CSTPP1: variants seen among roughly 807,000 people sequenced by gnomAD.
CSTPP1 encodes the protein centriolar satellite-associated tubulin polyglutamylase complex regulator 1.
chr11:47,139,003 A>C, the CSTPP1 span, among the ~76,000 whole-genome samples: 1 of 150,398 alleles, frequency 6.6e-6, no homozygotes, highest in Non-Finnish European at 1.5e-5. Flanking sequence ...AAAAAAAAAA[A>C]AAAAAAAAAC....
chr11:47,036,249 T>A, the CSTPP1 span, among the ~76,000 whole-genome samples: 9 of 49,352 alleles, frequency 1.8e-4, 3 homozygotes, highest in Non-Finnish European at 1.7e-4. Flanking sequence ...TATTTATATA[T>A]TATATATTAT....
At chr11:46,994,219 G>A in the CSTPP1 span, among the ~76,000 whole-genome samples, 1 of 152,188 alleles carries the variant, frequency 6.6e-6, no homozygotes, top group Non-Finnish European at 1.5e-5. Context: ...CATGTCATCT[G>A]CAAAGAGGGA....
chr11:46,947,039 C>A, the CSTPP1 span, among the ~76,000 whole-genome samples: 3 of 152,218 alleles, frequency 2.0e-5, no homozygotes, highest in Admixed American at 2.0e-4. Flanking sequence ...ATGATTAAAT[C>A]TGCTCTGGAT....
the CSTPP1 span, among the ~76,000 whole-genome samples, chr11:46,959,952 C>T: frequency 6.6e-6 from 1 of 151,542 alleles, no homozygotes; most frequent in Non-Finnish European, 1.5e-5. Context: ...CTGCAACCTC[C>T]ACCTCCCAGG....
At chr11:46,967,818 ATATTATTATT>A in the CSTPP1 span, among the ~76,000 whole-genome samples, 1 of 149,218 alleles carries the variant, frequency 6.7e-6, no homozygotes, top group Non-Finnish European at 1.5e-5. Flanking sequence ...ATATTATTAT[ATATTATTATT>A]AACTATATTA....
the CSTPP1 span, among the ~76,000 whole-genome samples, chr11:47,073,410 T>G: frequency 1.7e-3 from 254 of 152,270 alleles, 6 homozygotes; most frequent in Non-Finnish European, 2.3e-3. Context: ...AAATGAAGAT[T>G]AGGCTGGGTG....
At chr11:47,155,400 C>A in the CSTPP1 span, 1 of 793,106 alleles carries the variant, frequency 1.3e-6, no homozygotes, top group South Asian at 1.5e-5. Context: ...CTGCGGGTCG[C>A]TAACAGGATG....
chr11:46,936,715 C>T, the CSTPP1 span: 10 of 1,562,290 alleles, frequency 6.4e-6, no homozygotes, highest in African/African-American at 6.9e-5. Context: ...GTCCCCCTTC[C>T]GCCGCGTGGG....
chr11:47,041,054 T>C, the CSTPP1 span: 1 of 180,702 alleles, frequency 5.5e-6, no homozygotes, highest in Middle Eastern at 1.1e-3. Context: ...TAGGGTTCCA[T>C]AAAGAGGGCT....
chr11:47,101,181 T>TTTTTTTTTTTTTTTTTTTTTTTTTTG, the CSTPP1 span, among the ~76,000 whole-genome samples: 2 of 96,228 alleles, frequency 2.1e-5, 1 homozygote, highest in Non-Finnish European at 4.6e-5. Context: ...TTTTTTTTTT[T>TTTTTTTTTTTTTTTTTTTTTTTTTTG]TTTTTTTTAT....
chr11:47,133,013 A>G, the CSTPP1 span, among the ~76,000 whole-genome samples: 287 of 152,350 alleles, frequency 1.9e-3, 1 homozygote, highest in African/African-American at 6.7e-3. Flanking sequence ...ACATTAACTC[A>G]TAACAACTCT....
At chr11:47,010,946 A>G in the CSTPP1 span, among the ~76,000 whole-genome samples, 2 of 152,164 alleles carry the variant, frequency 1.3e-5, no homozygotes, top group Non-Finnish European at 2.9e-5. Flanking sequence ...GTTTTCTTGG[A>G]AGGACATCTA....
At chr11:47,161,536 C>A in the CSTPP1 span, 1 of 1,614,118 alleles carries the variant, frequency 6.2e-7, no homozygotes, top group Non-Finnish European at 8.5e-7. Flanking sequence ...CTTCCCGGAC[C>A]CCTCCCCGGG....
the CSTPP1 span, among the ~76,000 whole-genome samples, chr11:47,058,929 A>G: frequency 6.6e-6 from 1 of 152,184 alleles, no homozygotes; most frequent in African/African-American, 2.4e-5. Flanking sequence ...AAACAGTAGC[A>G]TAGGAACCAA....
the CSTPP1 span, among the ~76,000 whole-genome samples, chr11:47,159,443 G>A: frequency 6.6e-6 from 1 of 152,140 alleles, no homozygotes; most frequent in Admixed American, 6.5e-5. Context: ...CCAGAAGGCG[G>A]AGGTTGCGGT....
chr11:47,155,266 GT>G, the CSTPP1 span: 9 of 1,611,642 alleles, frequency 5.6e-6, no homozygotes, highest in Non-Finnish European at 7.6e-6. Context: ...ACTCAGGTGA[GT>G]GTTCCGGGGC....
At chr11:46,943,288 C>T in the CSTPP1 span, among the ~76,000 whole-genome samples, 6 of 152,152 alleles carry the variant, frequency 3.9e-5, no homozygotes, top group Admixed American at 3.9e-4. Flanking sequence ...TATCTCCATT[C>T]GGCAGATGAG....
At chr11:47,066,100 T>TG in the CSTPP1 span, among the ~76,000 whole-genome samples, 8 of 7,082 alleles carry the variant, frequency 1.1e-3, no homozygotes, top group Non-Finnish European at 2.1e-3. Flanking sequence ...TGGGTTTTTT[T>TG]TTTTTTTTTT....
At chr11:47,029,937 GAA>G in the CSTPP1 span, among the ~76,000 whole-genome samples, 35 of 125,484 alleles carry the variant, frequency 2.8e-4, no homozygotes, top group Admixed American at 3.3e-4. Flanking sequence ...GTCTCTACTG[GAA>G]AAAAAAAAAA....
Sources: gnomAD v4.1 joint callset for allele counts (sites outside exome capture counted in the v4.1 genomes callset) on GRCh38, gnomAD v4.1.1 for gene constraint, MANE v1.5 for transcripts, NCBI Gene and HGNC (gene_info 2026-07-23, HGNC 2026-07-21) for gene names.